The following IL1RAPL1 variants were observed in gnomAD, a reference collection of about 807,000 sequenced individuals.
IL1RAPL1 encodes interleukin-1 receptor accessory protein-like 1.
A neutral mutation model predicts 48.4 loss-of-function variants in IL1RAPL1; 3 were observed. That is an observed-to-expected ratio of 0.06 (90% CI 0.03 to 0.16). The LOEUF (loss-of-function observed/expected upper bound fraction) is 0.16. IL1RAPL1 is among the 10% of genes least tolerant of loss of function. The pLI is 1.00. For missense variants in IL1RAPL1, 349 were observed against 530.6 expected (o/e 0.66, Z 3.36); for synonymous variants, 185 against 187.7 (o/e 0.99, Z 0.12).
intron 6 of IL1RAPL1, among the ~76,000 whole-genome samples, chrX:29,698,620 A>G (rs1381348249): frequency 9.0e-6 from 1 of 111,250 alleles, no homozygotes; most frequent in Non-Finnish European, 1.9e-5. Context: ...GAAGGAAGGA[A>G]GGAAAGACAG....
At chrX:29,776,116 G>C (rs1207018954) in intron 6 of IL1RAPL1, among the ~76,000 whole-genome samples, 1 of 111,580 alleles carries the variant, frequency 9.0e-6, no homozygotes. Context: ...ATTTGATCAT[G>C]ACATTTTCAG....
chrX:29,022,761 G>A (rs1270849130), intron 2 of IL1RAPL1, among the ~76,000 whole-genome samples: 1 of 111,572 alleles, frequency 9.0e-6, no homozygotes, highest in Non-Finnish European at 1.9e-5. Flanking sequence ...TTTCCTTATT[G>A]AGCATAATTT....
At chrX:29,939,031 C>A (rs1411623401) in intron 8 of IL1RAPL1, among the ~76,000 whole-genome samples, 1 of 112,286 alleles carries the variant, frequency 8.9e-6, no homozygotes, top group Non-Finnish European at 1.9e-5. Flanking sequence ...ATAAATAAGA[C>A]TATTCTGAGC....
chrX:29,687,552 A>G (rs892881891), intron 6 of IL1RAPL1, among the ~76,000 whole-genome samples: 2 of 111,663 alleles, frequency 1.8e-5, no homozygotes, highest in Non-Finnish European at 1.9e-5. Context: ...GTACAAAGCT[A>G]TAGTTAGATT....
At chrX:28,619,607 CAAAA>C (rs55856491) in intron 1 of IL1RAPL1, among the ~76,000 whole-genome samples, 4 of 57,292 alleles carry the variant, frequency 7.0e-5, no homozygotes, top group Admixed American at 2.2e-4. Context: ...ACCCCGTCTC[CAAAA>C]AAAAAAAAAA....
chrX:29,210,981 T>C (rs1008229211), intron 2 of IL1RAPL1, among the ~76,000 whole-genome samples: 3 of 111,964 alleles, frequency 2.7e-5, no homozygotes, highest in Admixed American at 9.6e-5. Context: ...CAACTGCTTA[T>C]ATAGGTGAAG....
chrX:29,317,676 G>A (rs1162432801), intron 3 of IL1RAPL1, among the ~76,000 whole-genome samples: 2 of 112,169 alleles, frequency 1.8e-5, no homozygotes, highest in African/African-American at 6.5e-5. Flanking sequence ...AAAAGGACAT[G>A]ATTACACATG....
chrX:29,034,748 T>C (rs1209791677), intron 2 of IL1RAPL1, among the ~76,000 whole-genome samples: 1 of 112,283 alleles, frequency 8.9e-6, no homozygotes, highest in African/African-American at 3.2e-5. Flanking sequence ...GGTAAAATTA[T>C]TGAAGCCTGG....
At position 29,862,204 on chromosome X, in the gene IL1RAPL1, G is replaced by C. The variant is rs199699317; in HGVS notation, c.779-55260G>C. Among the ~76,000 whole-genome samples, 7 of 110,321 alleles carry C rather than the reference G, an allele frequency of 6.3e-5. No homozygotes were observed. The East Asian group carries it at 1.7e-3, about 27-fold the overall frequency. On this transcript the variant is annotated intron_variant, in intron 6 of 10. Transcript: ENST00000378993. ...GAATAATCTCAGCATTTGAGAAGAT[G>C]ATAATATGGAAAGTCAGGTGTGAGG...
chrX:29,492,989 G>A (rs186149889), intron 5 of IL1RAPL1, among the ~76,000 whole-genome samples: 257 of 111,717 alleles, frequency 2.3e-3, no homozygotes, highest in African/African-American at 8.1e-3. Context: ...GCCTTGGTTT[G>A]CTTGTTTTTC....
At chrX:29,880,686 A>G (rs1322305249) in intron 6 of IL1RAPL1, among the ~76,000 whole-genome samples, 1 of 111,578 alleles carries the variant, frequency 9.0e-6, no homozygotes, top group Admixed American at 9.5e-5. Flanking sequence ...TTTTTTTTCC[A>G]TCAAACTTCC....
chrX:28,614,331 T>A (rs1934187194), intron 1 of IL1RAPL1, among the ~76,000 whole-genome samples: 1 of 111,670 alleles, frequency 9.0e-6, no homozygotes, highest in South Asian at 3.7e-4. Flanking sequence ...TGTAATAGTT[T>A]TTTTTTTCCT....
intron 2 of IL1RAPL1, among the ~76,000 whole-genome samples, chrX:29,281,585 C>G (rs1311228046): frequency 9.0e-6 from 1 of 111,491 alleles, no homozygotes; most frequent in Non-Finnish European, 1.9e-5. Context: ...CTGTTTACCT[C>G]TGTCTCTGGC....
intron 2 of IL1RAPL1, among the ~76,000 whole-genome samples, chrX:28,823,948 C>T (rs1329971026): frequency 9.0e-6 from 1 of 111,512 alleles, no homozygotes; most frequent in Non-Finnish European, 1.9e-5. Context: ...CTTTGGGGGC[C>T]ACTATTCTGC....
At chrX:28,589,251 T>C (rs1248720177) in intron 1 of IL1RAPL1, among the ~76,000 whole-genome samples, 2 of 111,422 alleles carry the variant, frequency 1.8e-5, no homozygotes, top group African/African-American at 6.5e-5. Flanking sequence ...AATCGGTGAT[T>C]ATGTAACTTC....
intron 2 of IL1RAPL1, among the ~76,000 whole-genome samples, chrX:28,824,150 C>T (rs1219571055): frequency 9.0e-6 from 1 of 111,545 alleles, no homozygotes; most frequent in African/African-American, 3.3e-5. Flanking sequence ...AATTTACCTA[C>T]ACCTCAATTT....
At chrX:28,815,976 G>A (rs1601915490) in intron 2 of IL1RAPL1, among the ~76,000 whole-genome samples, 1 of 99,688 alleles carries the variant, frequency 1.0e-5, no homozygotes, top group Non-Finnish European at 2.0e-5. Flanking sequence ...ACATAGGAGT[G>A]CAGATATGTC....
intron 2 of IL1RAPL1, among the ~76,000 whole-genome samples, chrX:28,962,751 G>T (rs1185492506): frequency 9.0e-6 from 1 of 110,834 alleles, no homozygotes; most frequent in Admixed American, 9.7e-5. Context: ...GGGAATATGT[G>T]CATAGATTAT....
chrX:28,908,668 G>A (rs143505184), intron 2 of IL1RAPL1, among the ~76,000 whole-genome samples: 6 of 111,542 alleles, frequency 5.4e-5, no homozygotes, highest in African/African-American at 1.6e-4. Context: ...TTCTGCTGTT[G>A]TTGGATAAGG....
Sources: allele counts gnomAD v4.1 joint callset (sites outside exome capture counted in the v4.1 genomes callset), GRCh38; gene constraint gnomAD v4.1.1; transcripts MANE v1.5; gene names NCBI Gene and HGNC (gene_info 2026-07-23, HGNC 2026-07-21).